NPAS3: variants seen among roughly 807,000 people sequenced by gnomAD.
The protein encoded by NPAS3 is neuronal PAS domain-containing protein 3.
In NPAS3, 14 loss-of-function variants were observed where a neutral mutation model predicts 73.1. The ratio of observed to expected loss-of-function variants is 0.19; its 90% CI spans 0.13 to 0.30. The LOEUF (loss-of-function observed/expected upper bound fraction) is 0.30. NPAS3 is among the 10% of genes least tolerant of loss of function. The probability of loss-of-function intolerance (pLI) is 1.00; values close to 1 mark genes in which losing one functional copy is unlikely to be tolerated. For synonymous variants in NPAS3, 620 were observed against 541.5 expected (o/e 1.14, Z -2.01); for missense variants, 1,096 against 1,250.0 (o/e 0.88, Z 1.86).
At chr14:33,784,912 G>A (rs1177825759) in intron 9 of NPAS3, among the ~76,000 whole-genome samples, 20 of 149,606 alleles carry the variant, frequency 1.3e-4, no homozygotes, top group African/African-American at 3.7e-4. Flanking sequence ...CACCACGCCC[G>A]GCTAATTTTG....
intron 2 of NPAS3, among the ~76,000 whole-genome samples, chr14:33,175,048 A>G (rs1186149479): frequency 6.6e-6 from 1 of 152,212 alleles, no homozygotes; most frequent in Non-Finnish European, 1.5e-5. Context: ...AGTATTGTAG[A>G]TATGTCCTAA....
intron 1 of NPAS3, among the ~76,000 whole-genome samples, chr14:33,044,508 T>C (rs2040440096): frequency 1.3e-5 from 2 of 152,170 alleles, no homozygotes; most frequent in South Asian, 4.1e-4. Context: ...TCTTATTTAT[T>C]TTCAGACAAT....
intron 2 of NPAS3, among the ~76,000 whole-genome samples, chr14:33,133,562 A>C (rs2043720980): frequency 6.6e-6 from 1 of 152,198 alleles, no homozygotes. Flanking sequence ...TCAATGACTA[A>C]TAATAAAATA....
chr14:32,956,876 G>A (rs2036691796), intron 1 of NPAS3, among the ~76,000 whole-genome samples: 1 of 152,122 alleles, frequency 6.6e-6, no homozygotes, highest in Non-Finnish European at 1.5e-5. Flanking sequence ...TGAAACTTTG[G>A]ACAGAGATCT....
intron 4 of NPAS3, among the ~76,000 whole-genome samples, chr14:33,391,187 CTTTTTTTTT>C (rs370631048): frequency 9.1e-6 from 1 of 109,810 alleles, no homozygotes; most frequent in African/African-American, 3.5e-5. Context: ...TGGCCCATAT[CTTTTTTTTT>C]TTTTTTTTTT....
chr14:33,071,424 G>A (rs1047635986), intron 2 of NPAS3, among the ~76,000 whole-genome samples: 1 of 151,972 alleles, frequency 6.6e-6, no homozygotes, highest in Non-Finnish European at 1.5e-5. Context: ...ATAAGCCAAA[G>A]ATTTTAAGTA....
chr14:33,410,189 T>C (rs1005401472), intron 4 of NPAS3, among the ~76,000 whole-genome samples: 2 of 152,222 alleles, frequency 1.3e-5, no homozygotes, highest in African/African-American at 4.8e-5. Context: ...TTTCTGTGGT[T>C]AAAATTTACC....
chr14:33,552,956 A>C (rs1008313027), intron 4 of NPAS3, among the ~76,000 whole-genome samples: 4 of 152,222 alleles, frequency 2.6e-5, no homozygotes, highest in African/African-American at 9.6e-5. Flanking sequence ...GTAGCATTGC[A>C]ATGAATATTT....
chr14:33,097,474 T>C (rs2042455572), intron 2 of NPAS3, among the ~76,000 whole-genome samples: 4 of 152,244 alleles, frequency 2.6e-5, no homozygotes, highest in Admixed American at 2.6e-4. Context: ...GCATTCCCAA[T>C]AGTGTAGATA....
At chr14:33,079,318 C>CCTTTTTTTT (rs2041778697) in intron 2 of NPAS3, among the ~76,000 whole-genome samples, 1 of 120,764 alleles carries the variant, frequency 8.3e-6, no homozygotes, top group Non-Finnish European at 1.7e-5. Context: ...TGTACTTTTT[C>CCTTTTTTTT]TTTTTCCTTT....
At chr14:33,407,690 C>T (rs761777437) in intron 4 of NPAS3, among the ~76,000 whole-genome samples, 8 of 152,048 alleles carry the variant, frequency 5.3e-5, no homozygotes, top group Non-Finnish European at 1.2e-4. Context: ...CTCCGCTCTC[C>T]GTTTTCCCCA....
intron 3 of NPAS3, among the ~76,000 whole-genome samples, chr14:33,256,217 C>T (rs2048775379): frequency 6.6e-6 from 1 of 152,102 alleles, no homozygotes; most frequent in African/African-American, 2.4e-5. Context: ...TCACATTATA[C>T]TTTATAATAG....
intron 1 of NPAS3, among the ~76,000 whole-genome samples, chr14:33,055,259 CT>C (rs1030458566): frequency 2.0e-5 from 3 of 152,210 alleles, no homozygotes; most frequent in African/African-American, 7.2e-5. Flanking sequence ...ATTGTGTAAG[CT>C]TTTTCCCCTT....
At chr14:33,409,579 G>C (rs965903796) in intron 4 of NPAS3, among the ~76,000 whole-genome samples, 1 of 152,110 alleles carries the variant, frequency 6.6e-6, no homozygotes, top group Non-Finnish European at 1.5e-5. Context: ...GTATTTCCCT[G>C]CCCTCTTTTA....
chr14:33,185,763 A>C (rs1331059665), intron 2 of NPAS3, among the ~76,000 whole-genome samples: 1 of 152,264 alleles, frequency 6.6e-6, no homozygotes, highest in Non-Finnish European at 1.5e-5. Context: ...CCACTCGGGA[A>C]CTGAAGATGT....
intron 6 of NPAS3, among the ~76,000 whole-genome samples, chr14:33,694,628 A>G (rs553710770): frequency 3.3e-5 from 5 of 152,322 alleles, no homozygotes; most frequent in African/African-American, 1.2e-4. Flanking sequence ...GCTAGTAAAC[A>G]TGAACATTAA....
intron 4 of NPAS3, among the ~76,000 whole-genome samples, chr14:33,505,337 A>G (rs1432260986): frequency 2.0e-5 from 3 of 152,024 alleles, no homozygotes; most frequent in Admixed American, 2.0e-4. Flanking sequence ...GAAAAGTTGT[A>G]CACTCTCTAG....
chr14:33,345,432 A>G (rs1051861214), intron 3 of NPAS3, among the ~76,000 whole-genome samples: 1 of 152,244 alleles, frequency 6.6e-6, no homozygotes. Context: ...AATCCTAGAC[A>G]AAACTTTATT....
intron 5 of NPAS3, among the ~76,000 whole-genome samples, chr14:33,652,835 C>T (rs1231423431): frequency 6.6e-6 from 1 of 152,190 alleles, no homozygotes; most frequent in East Asian, 1.9e-4. Context: ...GATTTAGATG[C>T]AATAAGCTGT....
Sources: allele counts gnomAD v4.1 joint callset (sites outside exome capture counted in the v4.1 genomes callset), GRCh38; gene constraint gnomAD v4.1.1; transcripts MANE v1.5; gene names NCBI Gene and HGNC (gene_info 2026-07-23, HGNC 2026-07-21).